The following ANKS1B variants were observed in gnomAD, a reference collection of about 807,000 sequenced individuals.
ANKS1B encodes the protein ankyrin repeat and sterile alpha motif domain-containing protein 1B.
A neutral mutation model predicts 148.3 loss-of-function variants in ANKS1B; 36 were observed. The observed-to-expected ratio is 0.24, with a 90% confidence interval of 0.19 to 0.32. ANKS1B has a LOEUF of 0.32. Among genes scored for constraint, ANKS1B ranks in the 10% least tolerant of loss-of-function variants. ANKS1B has a pLI of 1.00. For synonymous variants in ANKS1B, 542 were observed against 560.8 expected (o/e 0.97, Z 0.47); for missense variants, 1,157 against 1,542.6 (o/e 0.75, Z 4.19).
At chr12:99,453,102 A>C (rs2095781778) in intron 10 of ANKS1B, among the ~76,000 whole-genome samples, 1 of 152,144 alleles carries the variant, frequency 6.6e-6, no homozygotes, top group Admixed American at 6.5e-5. Flanking sequence ...CATCCTGGCT[A>C]ACATGGTGAA....
At chr12:99,136,527 G>C (rs2068122496) in intron 15 of ANKS1B, among the ~76,000 whole-genome samples, 1 of 152,186 alleles carries the variant, frequency 6.6e-6, no homozygotes. Context: ...CTAAGATTCA[G>C]TTTGCAACTG....
intron 12 of ANKS1B, among the ~76,000 whole-genome samples, chr12:99,364,277 ATTTG>A (rs912571005): frequency 9.0e-5 from 7 of 77,764 alleles, no homozygotes; most frequent in African/African-American, 4.7e-4. Flanking sequence ...GTATATATAT[ATTTG>A]TTTATTGTAC....
rs543384646 is a variant in ANKS1B, at chr12:99,857,117, T to C, written c.135-31728A>G. Among the ~76,000 whole-genome samples the C allele has an allele frequency of 1.8e-4, 28 of 152,216 alleles. 1 individual carries two copies. The highest frequency in any genetic ancestry group is 1.5e-3 in the South Asian group (7 of 4,824). ...CTGTCACTGTTTGCTGAAGACATGA[T>C]TGTATACCTAGAAAACCTTAAGACT... On this transcript the variant is annotated intron_variant, in intron 1 of 26. Coordinates refer to ENST00000683438, the MANE Select transcript of ANKS1B (RefSeq NM_001352186.2).
intron 16 of ANKS1B, among the ~76,000 whole-genome samples, chr12:99,063,172 C>A (rs1226411191): frequency 6.6e-6 from 1 of 152,198 alleles, no homozygotes; most frequent in Non-Finnish European, 1.5e-5. Context: ...TGGACCGTGG[C>A]TTCTCTTTTC....
chr12:99,851,011 A>G (rs937293802), intron 1 of ANKS1B, among the ~76,000 whole-genome samples: 1 of 152,094 alleles, frequency 6.6e-6, no homozygotes, highest in African/African-American at 2.4e-5. Context: ...TATGTTTTCA[A>G]TTCTAAGCAT....
At chr12:99,825,665 C>T (rs1334137602) in intron 1 of ANKS1B, among the ~76,000 whole-genome samples, 2 of 152,244 alleles carry the variant, frequency 1.3e-5, no homozygotes, top group Non-Finnish European at 2.9e-5. Context: ...TCCAAAAATT[C>T]CCTATTACTT....
chr12:99,104,706 A>T (rs533149316), intron 15 of ANKS1B: 2 of 152,330 alleles, frequency 1.3e-5, no homozygotes, highest in East Asian at 3.9e-4. Flanking sequence ...TGGCCTTTGG[A>T]ACGTCCTTCT....
intron 2 of ANKS1B, 135 bp from the exon 3 acceptor site, chr12:99,812,446 G>A (rs1354145464): frequency 1.0e-6 from 1 of 977,380 alleles, no homozygotes; most frequent in Non-Finnish European, 1.4e-6. Context: ...ATAAAGTTGG[G>A]TTTCAAAGTT....
At chr12:98,927,267 C>T (rs2152941073) in intron 17 of ANKS1B, among the ~76,000 whole-genome samples, 1 of 152,162 alleles carries the variant, frequency 6.6e-6, no homozygotes, top group South Asian at 2.1e-4. Context: ...CAGTTAAAAA[C>T]AAAGGAGAAA....
chr12:98,937,895 G>GTA, intron 17 of ANKS1B, among the ~76,000 whole-genome samples: 1 of 150,136 alleles, frequency 6.7e-6, no homozygotes, highest in East Asian at 2.0e-4. Flanking sequence ...CATGGCAGCA[G>GTA]GAGAGAGAGA....
intron 19 of ANKS1B, among the ~76,000 whole-genome samples, chr12:98,815,672 AT>A (rs987680457): frequency 6.6e-6 from 1 of 151,934 alleles, no homozygotes; most frequent in Non-Finnish European, 1.5e-5. Flanking sequence ...AATGGCAGCC[AT>A]TTTTTTTCCA....
chr12:99,366,237 A>G (rs972352710), intron 12 of ANKS1B, among the ~76,000 whole-genome samples: 15 of 152,146 alleles, frequency 9.9e-5, no homozygotes, highest in Admixed American at 6.6e-5. Context: ...CTTGGGAAGT[A>G]TCTCCATTGA....
intron 17 of ANKS1B, among the ~76,000 whole-genome samples, chr12:98,844,490 C>T (rs1325596222): frequency 1.3e-5 from 2 of 152,178 alleles, no homozygotes; most frequent in African/African-American, 4.8e-5. Context: ...ACTTTGGTGG[C>T]CTCATTGAAA....
At chr12:99,615,571 G>T (rs1277861238) in intron 9 of ANKS1B, among the ~76,000 whole-genome samples, 1 of 151,978 alleles carries the variant, frequency 6.6e-6, no homozygotes, top group Non-Finnish European at 1.5e-5. Context: ...ATGCAGAAAA[G>T]GACTTCAATA....
chr12:98,913,315 A>G (rs2099789249), intron 17 of ANKS1B, among the ~76,000 whole-genome samples: 1 of 152,084 alleles, frequency 6.6e-6, no homozygotes, highest in African/African-American at 2.4e-5. Flanking sequence ...CTTGGACCTC[A>G]ACCCCTCCTC....
chr12:99,744,995 A>C (rs2060464165), intron 8 of ANKS1B, among the ~76,000 whole-genome samples: 1 of 146,198 alleles, frequency 6.8e-6, no homozygotes, highest in Non-Finnish European at 1.5e-5. Context: ...CTGTCTCAAA[A>C]AAAAAAAAAA....
At chr12:99,283,678 A>G (rs990547236) in intron 12 of ANKS1B, among the ~76,000 whole-genome samples, 1 of 152,200 alleles carries the variant, frequency 6.6e-6, no homozygotes, top group South Asian at 2.1e-4. Flanking sequence ...GCAGCTGTTA[A>G]AACCTATTGT....
intron 10 of ANKS1B, among the ~76,000 whole-genome samples, chr12:99,446,763 T>C (rs745741532): frequency 6.6e-5 from 10 of 151,960 alleles, no homozygotes; most frequent in Non-Finnish European, 1.2e-4. Context: ...ACATAGACAC[T>C]ATGAAAAATA....
At chr12:98,746,134 G>T (rs1034544999) in intron 26 of ANKS1B, among the ~76,000 whole-genome samples, 1 of 152,198 alleles carries the variant, frequency 6.6e-6, no homozygotes, top group Non-Finnish European at 1.5e-5. Flanking sequence ...GGTGAGATAC[G>T]AGGGGAAGAG....
Sources: allele counts gnomAD v4.1 joint callset (sites outside exome capture counted in the v4.1 genomes callset), GRCh38; gene constraint gnomAD v4.1.1; transcripts MANE v1.5; gene names NCBI Gene and HGNC (gene_info 2026-07-23, HGNC 2026-07-21).